The following INPP4B variants were observed in gnomAD, a reference collection of about 807,000 sequenced individuals.
The protein encoded by INPP4B is inositol polyphosphate-4-phosphatase type II B.
Under a neutral mutation model 122.5 loss-of-function variants are expected in INPP4B, and 55 were observed. That is an observed-to-expected ratio of 0.45 (90% CI 0.36 to 0.56). The LOEUF (loss-of-function observed/expected upper bound fraction) is 0.56. Among genes scored for constraint, INPP4B ranks in the 20% least tolerant of loss-of-function variants. The pLI, the probability that INPP4B is intolerant of heterozygous loss-of-function variation, is 0.00. For synonymous variants in INPP4B, 403 were observed against 388.7 expected, an observed-to-expected ratio of 1.04 and a Z score of -0.43; for missense variants, 1,000 against 1,097.7, an observed-to-expected ratio of 0.91 and a Z score of 1.26.
chr4:142,191,283 C>T (rs1835710280), intron 15 of INPP4B, among the ~76,000 whole-genome samples: 1 of 152,132 alleles, frequency 6.6e-6, no homozygotes, highest in South Asian at 2.1e-4. Flanking sequence ...CAGAATTTCT[C>T]AATGCAGCAA....
intron 25 of INPP4B, among the ~76,000 whole-genome samples, chr4:142,045,284 A>G (rs543281828): frequency 3.3e-5 from 5 of 152,148 alleles, no homozygotes; most frequent in Admixed American, 1.3e-4. Context: ...AACGCTACTA[A>G]TTAGGAACAT....
chr4:142,235,144 A>T (rs565363764), intron 12 of INPP4B, among the ~76,000 whole-genome samples: 2 of 152,294 alleles, frequency 1.3e-5, no homozygotes, highest in East Asian at 1.9e-4. Context: ...ACTCAAAAGT[A>T]GCAGACAAGC....
intron 3 of INPP4B, 77 bp from the exon 4 acceptor site, chr4:142,431,462 C>T: frequency 1.8e-6 from 1 of 557,722 alleles, no homozygotes; most frequent in Non-Finnish European, 3.2e-6. Flanking sequence ...TAAGTAGAGA[C>T]TGCAACTACA....
intron 12 of INPP4B, among the ~76,000 whole-genome samples, chr4:142,219,458 T>C (rs985031147): frequency 9.5e-4 from 145 of 152,338 alleles, no homozygotes; most frequent in African/African-American, 3.4e-3. Flanking sequence ...TTTAAAGTTA[T>C]TAAACATGGC....
intron 9 of INPP4B, among the ~76,000 whole-genome samples, chr4:142,277,682 T>TAC (rs3076592): frequency 0.06 from 8,699 of 146,152 alleles, 301 homozygotes; most frequent in Middle Eastern, 0.085. Context: ...CACACACACA[T>TAC]ACACACACAC....
intron 25 of INPP4B, among the ~76,000 whole-genome samples, chr4:142,038,901 G>A (rs1745624955): frequency 6.6e-6 from 1 of 152,104 alleles, no homozygotes. Flanking sequence ...GTTGGTATTA[G>A]TTTTTGTATA....
chr4:142,337,724 T>TAATATATA (rs1561881778), intron 7 of INPP4B, among the ~76,000 whole-genome samples: 1 of 138,766 alleles, frequency 7.2e-6, no homozygotes, highest in Non-Finnish European at 1.5e-5. Context: ...ATAATATATA[T>TAATATATA]TTTATATATA....
intron 2 of INPP4B, among the ~76,000 whole-genome samples, chr4:142,604,698 C>T (rs1298854242): frequency 6.6e-6 from 1 of 152,002 alleles, no homozygotes; most frequent in African/African-American, 2.4e-5. Context: ...AACTACAAAA[C>T]ACTGATGAAA....
chr4:142,126,213 G>A (rs1295556324), intron 18 of INPP4B, among the ~76,000 whole-genome samples: 3 of 152,078 alleles, frequency 2.0e-5, no homozygotes, highest in Non-Finnish European at 4.4e-5. Context: ...GATTTGATAT[G>A]AATGAGTGCA....
chr4:142,303,725 T>A (rs1762352089), intron 9 of INPP4B, among the ~76,000 whole-genome samples: 2 of 152,112 alleles, frequency 1.3e-5, no homozygotes, highest in Non-Finnish European at 2.9e-5. Flanking sequence ...TCTAGAAAAG[T>A]CAATTCTTCG....
intron 15 of INPP4B, 49 bp downstream of exon 15, chr4:142,193,038 G>T (rs1836678021): frequency 9.0e-7 from 1 of 1,114,252 alleles, no homozygotes; most frequent in South Asian, 1.3e-5. Flanking sequence ...CTTCCCCAAA[G>T]GGGAGATGTT....
At chr4:142,482,231 T>C (rs1221474631) in intron 2 of INPP4B, among the ~76,000 whole-genome samples, 1 of 152,152 alleles carries the variant, frequency 6.6e-6, no homozygotes, top group African/African-American at 2.4e-5. Flanking sequence ...TCTTACTCAT[T>C]TGGGCTTCTC....
chr4:142,526,663 A>G (rs1430524084), intron 2 of INPP4B, among the ~76,000 whole-genome samples: 1 of 152,108 alleles, frequency 6.6e-6, no homozygotes, highest in Non-Finnish European at 1.5e-5. Flanking sequence ...TGTTTAATAA[A>G]ACAAAATCAA....
At chr4:142,695,919 A>G (rs187159185) in intron 2 of INPP4B, among the ~76,000 whole-genome samples, 4 of 152,260 alleles carry the variant, frequency 2.6e-5, no homozygotes, top group Non-Finnish European at 4.4e-5. Context: ...AGTGTTTCTT[A>G]TCTTGATGTG....
At position 142,028,788 on chromosome 4, in the gene INPP4B, G is replaced by A. The variant is rs763364139; in HGVS notation, c.2769C>T (p.Asp923=). ...RPPEGTYGKA[D]T ...TATTAACATGTTGGTAAACTTAGGT[G>A]TCAGCTTTTCCATAAGTCCCCTCTG... is the stretch of plus-strand genomic sequence containing the variant. The change falls in exon 26 of 26, where the codon GAC becomes GAT. Residue 923 remains aspartate, a synonymous_variant. Transcript: ENST00000262992. 5.6e-6 allele frequency: 9 copies of A among 1,610,094 alleles called. No homozygotes were observed. In the Admixed American group the frequency reaches 6.8e-5, roughly 12 times the overall value.
At chr4:142,527,314 T>C (rs1827051991) in intron 2 of INPP4B, among the ~76,000 whole-genome samples, 1 of 151,876 alleles carries the variant, frequency 6.6e-6, no homozygotes, top group African/African-American at 2.4e-5. Flanking sequence ...AGAACCTTTT[T>C]ATAGAATTTA....
At chr4:142,832,690 A>T (rs1782296462) in intron 1 of INPP4B, among the ~76,000 whole-genome samples, 1 of 152,028 alleles carries the variant, frequency 6.6e-6, no homozygotes, top group Non-Finnish European at 1.5e-5. Flanking sequence ...CAGGGTAACA[A>T]TATTTGTTTA....
At chr4:142,218,036 TTG>T (rs4054980) in intron 12 of INPP4B, among the ~76,000 whole-genome samples, 15 of 149,110 alleles carry the variant, frequency 1.0e-4, no homozygotes, top group Admixed American at 2.7e-4. Flanking sequence ...TTCTAATAAA[TTG>T]TGTGTGTGTG....
chr4:142,518,993 G>A (rs1349325551), intron 2 of INPP4B: 4 of 152,184 alleles, frequency 2.6e-5, no homozygotes, highest in African/African-American at 9.7e-5. Context: ...ACAAAGGTTT[G>A]AGGCCACTTG....
Sources: gnomAD v4.1 joint callset for allele counts (sites outside exome capture counted in the v4.1 genomes callset) on GRCh38, gnomAD v4.1.1 for gene constraint, MANE v1.5 for transcripts, NCBI Gene and HGNC (gene_info 2026-07-23, HGNC 2026-07-21) for gene names.